The following NUCB2 variants were observed in gnomAD, a reference collection of about 807,000 sequenced individuals.
The protein encoded by NUCB2 is nucleobindin 2, also known as nucleobindin-2.
Under a neutral mutation model 57.9 loss-of-function variants are expected in NUCB2, and 48 were observed. That is an observed-to-expected ratio of 0.83 (90% CI 0.66 to 1.05). NUCB2 has a LOEUF of 1.05. NUCB2 is among the 50% of genes least tolerant of loss of function. The probability of loss-of-function intolerance (pLI) is 0.00; values close to 1 mark genes in which losing one functional copy is unlikely to be tolerated. For missense variants in NUCB2, 442 were observed against 476.2 expected (o/e 0.93, Z 0.67); for synonymous variants, 139 against 152.1 (o/e 0.91, Z 0.64).
At chr11:17,340,138 G>A (rs1952133405) in intron 2 of NUCB2, among the ~76,000 whole-genome samples, 1 of 152,176 alleles carries the variant, frequency 6.6e-6, no homozygotes, top group African/African-American at 2.4e-5. Context: ...TCTTTTGGCT[G>A]CATAAATGTC....
intron 2 of NUCB2, 69 bp downstream of exon 2, chr11:17,283,012 A>C (rs1285289949): frequency 6.6e-6 from 1 of 152,226 alleles, no homozygotes; most frequent in East Asian, 1.9e-4. Flanking sequence ...ACCAAAATAC[A>C]AAAAAGGAAA....
chr11:17,304,551 G>A (rs12421767), intron 5 of NUCB2, among the ~76,000 whole-genome samples: 6,737 of 152,228 alleles, frequency 0.044, 187 homozygotes, highest in Middle Eastern at 0.1. Flanking sequence ...TGGAAAGGAG[G>A]TGATAAAACC....
intron 11 of NUCB2, among the ~76,000 whole-genome samples, chr11:17,323,582 T>C (rs1950297266): frequency 6.6e-6 from 1 of 152,218 alleles, no homozygotes; most frequent in Non-Finnish European, 1.5e-5. Context: ...GTACGAGCCT[T>C]GTCAAATGAG....
intron 2 of NUCB2, 137 bp from the exon 3 acceptor site, chr11:17,295,181 CTATTCT>C: frequency 1.7e-6 from 1 of 596,438 alleles, no homozygotes; most frequent in East Asian, 3.3e-5. Context: ...AAGTTTTAAT[CTATTCT>C]TTCCTTTCCT....
At chr11:17,280,874 TA>T (rs766402134) in intron 1 of NUCB2, among the ~76,000 whole-genome samples, 1 of 152,084 alleles carries the variant, frequency 6.6e-6, no homozygotes, top group African/African-American at 2.4e-5. Flanking sequence ...ATCCCATCTC[TA>T]CCAAAAATAT....
intron 4 of NUCB2, among the ~76,000 whole-genome samples, chr11:17,301,068 G>T (rs1223037059): frequency 6.6e-6 from 1 of 150,468 alleles, no homozygotes; most frequent in African/African-American, 2.5e-5. Flanking sequence ...CGCCTCCTGG[G>T]TTCAAGCAAT....
At chr11:17,286,357 T>C (rs1196197638) in intron 2 of NUCB2, among the ~76,000 whole-genome samples, 3 of 152,172 alleles carry the variant, frequency 2.0e-5, no homozygotes, top group Admixed American at 1.3e-4. Context: ...TTTGACTTGG[T>C]TGAGACAGGG....
chr11:17,323,598 A>C (rs1457758061), intron 11 of NUCB2, among the ~76,000 whole-genome samples: 2 of 152,096 alleles, frequency 1.3e-5, no homozygotes, highest in African/African-American at 4.8e-5. Flanking sequence ...ATGAGTTTGG[A>C]AGTATTCCTT....
At chr11:17,318,539 A>G (rs1417947627) in intron 11 of NUCB2, among the ~76,000 whole-genome samples, 1 of 152,146 alleles carries the variant, frequency 6.6e-6, no homozygotes, top group Non-Finnish European at 1.5e-5. Context: ...TTTATAGGGT[A>G]GATTCTCAAT....
At chr11:17,301,006 CTTG>C (rs1946626603) in intron 4 of NUCB2, among the ~76,000 whole-genome samples, 1 of 112,414 alleles carries the variant, frequency 8.9e-6, no homozygotes, top group Non-Finnish European at 1.7e-5. Context: ...GAGTTTCACT[CTTG>C]TTGCCCAGGC....
At chr11:17,324,382 T>C (rs944491307) in intron 11 of NUCB2, among the ~76,000 whole-genome samples, 8 of 152,158 alleles carry the variant, frequency 5.3e-5, no homozygotes, top group African/African-American at 1.7e-4. Flanking sequence ...TATTATCGAT[T>C]TGTAGTTTTA....
chr11:17,332,739 G>T (rs187879438), downstream of NUCB2: 774 of 152,052 alleles, frequency 5.1e-3, 11 homozygotes, highest in Middle Eastern at 0.027. Context: ...TAGAGACAGG[G>T]TCTTACTCTG....
chr11:17,331,000 G>A lies in NUCB2; in HGVS notation c.1255+17G>A. ...TTGAGCCACGTGTGTAATTTTGTTTGATTATTTATTTAGGAAAATAAATTA... is the reference window on the plus strand; with the variant it reads ...TTGAGCCACGTGTGTAATTTTGTTTAATTATTTATTTAGGAAAATAAATTA... On this transcript the variant is annotated intron_variant, in intron 13 of 13. Transcript: ENST00000529010. The surrounding 1 kb of genome is among the most constrained non-coding windows in gnomAD (Gnocchi z 4.3). The A allele has an allele frequency of 6.7e-7, 1 of 1,493,914 alleles. No individual in the cohort carries two copies. The highest frequency in any genetic ancestry group is 9.2e-7 in the Non-Finnish European group (1 of 1,083,348). The allele number at this position is 1,493,914 out of a possible 1,614,324, so 92.5% of individuals were successfully genotyped here. A position where few individuals can be genotyped will look rare whatever the true frequency, so the allele number is the denominator to read the frequency against.
intron 2 of NUCB2, among the ~76,000 whole-genome samples, chr11:17,339,251 G>A (rs1294248216): frequency 6.6e-6 from 1 of 152,106 alleles, no homozygotes; most frequent in Non-Finnish European, 1.5e-5. Context: ...GCCTCCCAAA[G>A]TGCTGGGATT....
At chr11:17,293,253 CAAAA>C (rs35448937) in intron 2 of NUCB2, among the ~76,000 whole-genome samples, 2 of 105,078 alleles carry the variant, frequency 1.9e-5, no homozygotes, top group Non-Finnish European at 2.0e-5. Flanking sequence ...GACTCTGTCT[CAAAA>C]AAAAAAAAAA....
intron 2 of NUCB2, among the ~76,000 whole-genome samples, chr11:17,349,134 A>G (rs1327354852): frequency 6.6e-6 from 1 of 152,186 alleles, no homozygotes; most frequent in Non-Finnish European, 1.5e-5. Context: ...TTTGCCTTCA[A>G]GAACATCACC....
downstream of NUCB2, chr11:17,332,285 CA>C (rs2139505322): frequency 6.6e-6 from 1 of 152,104 alleles, no homozygotes; most frequent in South Asian, 2.1e-4. Context: ...CCAGAACCAG[CA>C]GCACCTGAAC....
At chr11:17,343,010 A>G (rs1352616371) in intron 2 of NUCB2, among the ~76,000 whole-genome samples, 1 of 151,992 alleles carries the variant, frequency 6.6e-6, no homozygotes, top group Non-Finnish European at 1.5e-5. Context: ...TATTGGGTGC[A>G]TATATATTTA....
chr11:17,281,770 C>T (rs1942614532), intron 1 of NUCB2, among the ~76,000 whole-genome samples: 1 of 152,002 alleles, frequency 6.6e-6, no homozygotes. Context: ...TGTGATTACT[C>T]TCCTGCATAG....
Sources: gnomAD v4.1 joint callset for allele counts (sites outside exome capture counted in the v4.1 genomes callset) on GRCh38, gnomAD v4.1.1 for gene constraint, Gnocchi (gnomAD v3.1) non-coding constraint, MANE v1.5 for transcripts, NCBI Gene and HGNC (gene_info 2026-07-23, HGNC 2026-07-21) for gene names.